The following DNAH9 variants were observed in gnomAD, a reference collection of about 807,000 sequenced individuals.
DNAH9 encodes the protein dynein axonemal heavy chain 9.
A neutral mutation model predicts 471.6 loss-of-function variants in DNAH9; 345 were observed. That is an observed-to-expected ratio of 0.73 (90% CI 0.67 to 0.80). The LOEUF (loss-of-function observed/expected upper bound fraction) is 0.80. DNAH9 is among the 30% of genes least tolerant of loss of function. DNAH9 has a pLI of 0.00. For synonymous variants in DNAH9, 2,093 were observed against 2,123.6 expected (o/e 0.99, Z 0.40); for missense variants, 5,407 against 5,609.2 (o/e 0.96, Z 1.15).
At chr17:11,960,435 TAAAAAAAAAAAAA>T (rs3074845) in intron 67 of DNAH9, among the ~76,000 whole-genome samples, 4 of 54,060 alleles carry the variant, frequency 7.4e-5, no homozygotes, top group Non-Finnish European at 9.9e-5. Flanking sequence ...GACTCTGTCT[TAAAAAAAAAAAAA>T]AAAAAAAAAA....
intron 59 of DNAH9, among the ~76,000 whole-genome samples, chr17:11,900,496 C>G (rs762233309): frequency 1.2e-5 from 1 of 85,722 alleles, no homozygotes; most frequent in Non-Finnish European, 2.8e-5. Flanking sequence ...CTTGATCCTT[C>G]CCCTGCCAAA....
chr17:11,931,642 A>G (rs1462489869), intron 63 of DNAH9, among the ~76,000 whole-genome samples: 2 of 152,192 alleles, frequency 1.3e-5, no homozygotes, highest in Non-Finnish European at 2.9e-5. Flanking sequence ...AAAGCATGGT[A>G]GGAAGGGAAG....
intron 26 of DNAH9, among the ~76,000 whole-genome samples, chr17:11,709,184 T>C (rs2074789390): frequency 6.6e-6 from 1 of 152,202 alleles, no homozygotes; most frequent in Non-Finnish European, 1.5e-5. Flanking sequence ...CAATGCATTA[T>C]TTCTGAAATA....
chr17:11,871,349 C>G (rs1972254447), intron 51 of DNAH9, among the ~76,000 whole-genome samples: 1 of 152,224 alleles, frequency 6.6e-6, no homozygotes, highest in Admixed American at 6.5e-5. Flanking sequence ...TCTCCACACA[C>G]AGAAAGAGCA....
At chr17:11,779,838 A>T (rs953348434) in intron 38 of DNAH9, among the ~76,000 whole-genome samples, 5 of 152,228 alleles carry the variant, frequency 3.3e-5, no homozygotes, top group Non-Finnish European at 7.3e-5. Context: ...TTAAATTTAA[A>T]TTTAATTCAT....
chr17:11,699,116 G>C (rs1891842864), intron 22 of DNAH9, among the ~76,000 whole-genome samples: 1 of 152,116 alleles, frequency 6.6e-6, no homozygotes, highest in Non-Finnish European at 1.5e-5. Flanking sequence ...GGGCATGGTG[G>C]CACACACCTG....
intron 45 of DNAH9, among the ~76,000 whole-genome samples, chr17:11,812,123 A>G (rs981462901): frequency 4.1e-5 from 6 of 147,624 alleles, no homozygotes; most frequent in Admixed American, 6.9e-5. Context: ...ATTTATATAA[A>G]TATGTGCATG....
rs578082997 is a variant in DNAH9, at chr17:11,704,212, A to G, written c.5161A>G (p.Thr1721Ala). 70 of 1,614,038 alleles carry G rather than the reference A, an allele frequency of 4.3e-5. 2 individuals carry two copies. The South Asian group carries it at 7.0e-4, about 16-fold the overall frequency. The change falls in exon 25 of 69, where the codon ACC becomes GCC. Residue 1721 changes from threonine (T) to alanine (A), a missense_variant. By Grantham distance (58) the Thr-to-Ala change is moderately conservative (BLOSUM62 0). Around this residue, in one of 3 missense-constraint regions of DNAH9, gnomAD observed 4,636 missense variants for 4,900.3 expected, o/e 0.95. Transcript: ENST00000262442. ...ACTCTTGCTGCCACAGGTGGCCCTG[A>G]CCTGTACTCAGATCTGGTGGACAAC... is the stretch of plus-strand genomic sequence containing the variant. ...LFDHPAQVAL[T>A]CTQIWWTTEV...
chr17:11,958,225 G>T (rs1975768332), intron 67 of DNAH9, among the ~76,000 whole-genome samples: 1 of 152,154 alleles, frequency 6.6e-6, no homozygotes, highest in South Asian at 2.1e-4. Flanking sequence ...AACAATGGAG[G>T]CAGTAAAAAC....
intron 52 of DNAH9, 121 bp from the exon 53 acceptor site, chr17:11,874,828 T>C (rs1480053176): frequency 1.4e-5 from 10 of 731,442 alleles, no homozygotes; most frequent in Non-Finnish European, 2.1e-5. Flanking sequence ...AAAGGCATTC[T>C]TCAGTGGGAT....
chr17:11,690,211 C>T lies in DNAH9; in HGVS notation c.4389C>T (p.Cys1463=), dbSNP rs763591057. ...CACGGACCAATGTCCCCCTCCTGTG[C>T]TCTGATGAGGACCTCATAGAGGTTC... ...PHPRTNVPLL[C]SDEDLIEVLE... is the part of the protein sequence containing the mutation. Residue 1463 remains cysteine, a synonymous_variant, in exon 20 of 69, where the codon TGC becomes TGT. Coordinates refer to ENST00000262442, the MANE Select transcript of DNAH9 (RefSeq NM_001372.4). 1 of 1,614,220 alleles carries T rather than the reference C, an allele frequency of 6.2e-7. No homozygotes were observed. The highest frequency in any genetic ancestry group is 8.5e-7 in the Non-Finnish European group (1 of 1,180,028).
At chr17:11,795,598 C>T (rs1324585791) in intron 42 of DNAH9, among the ~76,000 whole-genome samples, 3 of 152,220 alleles carry the variant, frequency 2.0e-5, no homozygotes, top group Non-Finnish European at 2.9e-5. Context: ...TCTCCCACTT[C>T]TCTCAGCATT....
chr17:11,962,776 G>C lies in DNAH9; in HGVS notation c.13233+520G>C, dbSNP rs1976333232. 1.3e-5 allele frequency among the ~76,000 whole-genome samples: 2 copies of C among 152,028 alleles called. No individual in the cohort carries two copies. The highest frequency in any genetic ancestry group is 4.8e-5 in the African/African-American group (2 of 41,392). Reference sequence around the variant, plus strand: ...CCTCCCGAGTTCAAGCAATTCTCCTGCCTCACCTCCTTGGTCCACTTTCCA... The same window carrying C: ...CCTCCCGAGTTCAAGCAATTCTCCTCCCTCACCTCCTTGGTCCACTTTCCA... On this transcript the variant is annotated intron_variant, in intron 68 of 68. Transcript: ENST00000262442. The surrounding 1 kb of genome is among the most constrained non-coding windows in gnomAD (Gnocchi z 4.1).
chr17:11,727,252 T>C (rs924363410), intron 27 of DNAH9, among the ~76,000 whole-genome samples: 1 of 152,120 alleles, frequency 6.6e-6, no homozygotes, highest in African/African-American at 2.4e-5. Flanking sequence ...AGGACAGAAA[T>C]GCATTATTCC....
intron 28 of DNAH9, among the ~76,000 whole-genome samples, chr17:11,734,906 G>A (rs1300212567): frequency 1.3e-5 from 2 of 152,208 alleles, no homozygotes; most frequent in South Asian, 2.1e-4. Flanking sequence ...CAGAGGTAGG[G>A]ATGAGTAGAA....
intron 57 of DNAH9, among the ~76,000 whole-genome samples, chr17:11,888,731 C>T (rs532536484): frequency 2.6e-5 from 4 of 152,258 alleles, no homozygotes; most frequent in African/African-American, 7.2e-5. Context: ...TCAAAAATAT[C>T]GAAACCACAA....
intron 67 of DNAH9, among the ~76,000 whole-genome samples, chr17:11,943,673 T>G (rs962630583): frequency 6.6e-6 from 1 of 151,854 alleles, no homozygotes; most frequent in Non-Finnish European, 1.5e-5. Flanking sequence ...CAAGACTCCG[T>G]CTCAAAAAAA....
At chr17:11,887,701 G>A (rs1024636209) in intron 57 of DNAH9, among the ~76,000 whole-genome samples, 7 of 151,134 alleles carry the variant, frequency 4.6e-5, no homozygotes, top group African/African-American at 1.7e-4. Context: ...GAGACCATAT[G>A]TATATAGACA....
chr17:11,679,938 T>G lies in DNAH9; in HGVS notation c.3535T>G (p.Tyr1179Asp). 6.2e-7 allele frequency: 1 copy of G among 1,614,074 alleles called. No individual in the cohort carries two copies. Among genetic ancestry groups the G allele is most frequent in the Non-Finnish European group, 8.5e-7 (1 of 1,179,968 alleles). Residue 1179 changes from tyrosine (Y) to aspartate (D), a missense_variant, in exon 18 of 69, where the codon TAT becomes GAT. Physicochemically the swap from Tyr to Asp is radical, Grantham distance 160 (BLOSUM62 -3). This residue lies in a region of DNAH9 where 4,636 missense variants were observed against 4,900.3 expected (regional missense o/e 0.95). Coordinates refer to ENST00000262442, the MANE Select transcript of DNAH9 (RefSeq NM_001372.4). Reference protein sequence around the residue: ...LKQTIELLKTYEQELPETVFK... With the variant: ...LKQTIELLKTDEQELPETVFK... ...GCAGACTATTGAATTGCTGAAGACC[T>G]ATGAACAAGAATTGCCAGAAACAGT...
Sources: allele counts gnomAD v4.1 joint callset (sites outside exome capture counted in the v4.1 genomes callset), GRCh38; gene constraint gnomAD v4.1.1; regional missense constraint gnomAD v4.1.1; non-coding constraint Gnocchi (gnomAD v3.1); transcripts MANE v1.5; gene names NCBI Gene and HGNC (gene_info 2026-07-23, HGNC 2026-07-21).